BAZ2A: variants seen among roughly 807,000 people sequenced by gnomAD.
The protein encoded by BAZ2A is bromodomain adjacent to zinc finger domain 2A.
BAZ2A carries 34 observed loss-of-function variants against 199.9 expected under a neutral mutation model. That is an observed-to-expected ratio of 0.17 (90% CI 0.13 to 0.23). The LOEUF (loss-of-function observed/expected upper bound fraction) is 0.23, where lower values mean the gene tolerates loss of function less well. Ranked by LOEUF, BAZ2A falls within the 10% of genes least tolerant of loss-of-function variation. BAZ2A has a pLI of 1.00. For synonymous variants in BAZ2A, 857 were observed against 883.9 expected, an observed-to-expected ratio of 0.97 and a Z score of 0.54; for missense variants, 2,002 against 2,391.1, an observed-to-expected ratio of 0.84 and a Z score of 3.39.
chr12:56,603,827 A>G (rs1012945150), intron 16 of BAZ2A, 127 bp from the exon 17 acceptor site: 27 of 1,018,800 alleles, frequency 2.7e-5, no homozygotes, highest in Admixed American at 5.4e-5. Flanking sequence ...AGCCTGGCCA[A>G]CATGGTGAAA....
chr12:56,621,259 A>G (rs541167254), intron 1 of BAZ2A: 1 of 985,354 alleles, frequency 1.0e-6, no homozygotes, highest in Non-Finnish European at 1.2e-6. Context: ...CTGCTCTGGA[A>G]AAGCACAGCA....
At chr12:56,620,188 G>T (rs918363698) in intron 1 of BAZ2A, among the ~76,000 whole-genome samples, 1 of 150,434 alleles carries the variant, frequency 6.6e-6, no homozygotes. Flanking sequence ...AAAATCACAA[G>T]AAAATCTCCA....
At chr12:56,605,433 T>C in intron 13 of BAZ2A, 106 bp from the exon 14 acceptor site, 1 of 1,280,410 alleles carries the variant, frequency 7.8e-7, no homozygotes. Flanking sequence ...ATTTTTTTTT[T>C]TTTTTTGAGA....
Position 56,600,223 on chromosome 12 carries a change from G to T in BAZ2A, c.4870C>A (p.Pro1624Thr). Residue 1624 changes from proline (P) to threonine (T), a missense_variant, in exon 24 of 29, where the codon CCT (proline) becomes ACT (threonine). By Grantham distance (38) the Pro-to-Thr change is conservative. Transcript: ENST00000549884. The part of the protein sequence containing the change: ...KALLSTPNGA[P>T]EGTTTEISYE... ...CACATCTCTGTAGTGGTGCCCTCAG[G>T]GGCACCATTAGGTGTGCTAAGCAGG... 1 of 1,613,962 alleles carries T rather than the reference G, an allele frequency of 6.2e-7. No homozygotes were observed. The highest frequency in any genetic ancestry group is 1.1e-5 in the South Asian group (1 of 91,086).
At chr12:56,605,800 A>G (rs772519709) in intron 13 of BAZ2A, 30 bp downstream of exon 13, 1 of 1,567,878 alleles carries the variant, frequency 6.4e-7, no homozygotes, top group Non-Finnish European at 8.6e-7. Context: ...TTCCCAGCTG[A>G]CCCAGGAACT....
At chr12:56,617,179 T>C (rs1950750822) in intron 2 of BAZ2A, among the ~76,000 whole-genome samples, 1 of 152,176 alleles carries the variant, frequency 6.6e-6, no homozygotes, top group Admixed American at 6.5e-5. Flanking sequence ...GGAACAGGGC[T>C]GACAGAAGAA....
intron 1 of BAZ2A, among the ~76,000 whole-genome samples, chr12:56,621,742 G>A (rs1011844482): frequency 2.0e-5 from 3 of 151,236 alleles, no homozygotes; most frequent in African/African-American, 7.3e-5. Context: ...AGAGTGGTGT[G>A]CAGTGGCATG....
upstream of BAZ2A, chr12:56,630,413 G>T (rs540187173): frequency 1.0e-4 from 44 of 441,162 alleles, no homozygotes; most frequent in East Asian, 7.8e-4. Flanking sequence ...AAGCCCGCCA[G>T]CCCATCTTTC....
At chr12:56,621,197 A>G in intron 1 of BAZ2A, 1 of 985,294 alleles carries the variant, frequency 1.0e-6, no homozygotes, top group South Asian at 4.7e-5. Context: ...GTCACGGTTC[A>G]TTTTTCCATT....
intron 1 of BAZ2A, among the ~76,000 whole-genome samples, chr12:56,625,180 C>T (rs1271730104): frequency 1.6e-5 from 2 of 123,086 alleles, no homozygotes; most frequent in Admixed American, 9.5e-5. Context: ...TTTTTTGAGA[C>T]AGTGTGGCTC....
intron 4 of BAZ2A, among the ~76,000 whole-genome samples, chr12:56,613,452 T>C (rs1222662684): frequency 6.6e-6 from 1 of 152,094 alleles, no homozygotes; most frequent in African/African-American, 2.4e-5. Flanking sequence ...GGCAGAAGAA[T>C]TGCTTGAGGC....
At chr12:56,632,059 A>C (rs1373205098), upstream of BAZ2A, among the ~76,000 whole-genome samples, 1 of 152,078 alleles carries the variant, frequency 6.6e-6, no homozygotes, top group African/African-American at 2.4e-5. Flanking sequence ...AGGCAGGTGG[A>C]AACCAAAACC....
At chr12:56,611,739 C>T in intron 6 of BAZ2A, 34 bp downstream of exon 6, 1 of 1,517,306 alleles carries the variant, frequency 6.6e-7, no homozygotes. Flanking sequence ...TTTCTTGGAA[C>T]CAGACAGGGA....
At chr12:56,614,964 C>A (rs182297236) in intron 3 of BAZ2A, 50 bp downstream of exon 3, 95 of 1,532,012 alleles carry the variant, frequency 6.2e-5, no homozygotes, top group Admixed American at 1.9e-4. Context: ...CACTATCCCC[C>A]CCGAGCTCCA....
intron 1 of BAZ2A, chr12:56,621,365 G>T: frequency 1.5e-6 from 1 of 673,034 alleles, no homozygotes; most frequent in Non-Finnish European, 1.8e-6. Context: ...TGTGAGATCA[G>T]TTTCTCCACC....
At chr12:56,601,499 T>C (rs754766879) in intron 20 of BAZ2A, 47 bp downstream of exon 20, 18 of 1,597,344 alleles carry the variant, frequency 1.1e-5, no homozygotes, top group Non-Finnish European at 1.5e-5. Context: ...CAATGGTGCC[T>C]GTGGCAAGAT....
At chr12:56,618,033 T>C (rs531390065) in intron 1 of BAZ2A, among the ~76,000 whole-genome samples, 59 of 152,336 alleles carry the variant, frequency 3.9e-4, no homozygotes, top group African/African-American at 1.3e-3. Context: ...TAATTTCTAA[T>C]TATCCTATCC....
At chr12:56,630,800 T>G (rs1282538929), upstream of BAZ2A, 4 of 985,596 alleles carry the variant, frequency 4.1e-6, no homozygotes, top group Non-Finnish European at 4.8e-6. Flanking sequence ...TGCAGCCTGG[T>G]CCTGCCTGGA....
chr12:56,626,020 C>CAATG (rs1163631198), intron 1 of BAZ2A, among the ~76,000 whole-genome samples: 2 of 151,998 alleles, frequency 1.3e-5, no homozygotes, highest in Non-Finnish European at 2.9e-5. Flanking sequence ...AACACTAAGC[C>CAATG]AATGCTACTT....
Sources: allele counts gnomAD v4.1 joint callset (sites outside exome capture counted in the v4.1 genomes callset), GRCh38; gene constraint gnomAD v4.1.1; transcripts MANE v1.5; gene names NCBI Gene and HGNC (gene_info 2026-07-23, HGNC 2026-07-21).